GALNT13: variants seen among roughly 807,000 people sequenced by gnomAD.
GALNT13 encodes polypeptide N-acetylgalactosaminyltransferase 13.
In GALNT13, 28 loss-of-function variants were observed where a neutral mutation model predicts 64.2. The ratio of observed to expected loss-of-function variants is 0.44; its 90% confidence interval spans 0.32 to 0.60. The LOEUF is 0.60. Among genes scored for constraint, GALNT13 ranks in the 20% least tolerant of loss-of-function variants. GALNT13 has a pLI of 0.05. For missense variants in GALNT13, 577 were observed against 669.8 expected (o/e 0.86, Z 1.53); for synonymous variants, 214 against 224.6 (o/e 0.95, Z 0.42).
At chr2:154,148,984 A>G (rs1159425100) in intron 4 of GALNT13, among the ~76,000 whole-genome samples, 8 of 152,270 alleles carry the variant, frequency 5.3e-5, no homozygotes, top group Admixed American at 1.3e-4. Context: ...TTGGTGTTTT[A>G]GACATGAAGT....
At chr2:153,874,826 C>T (rs1335606506) in intron 1 of GALNT13, among the ~76,000 whole-genome samples, 2 of 152,062 alleles carry the variant, frequency 1.3e-5, no homozygotes, top group African/African-American at 4.8e-5. Context: ...CCCCTTTTTG[C>T]AAGTCTACAA....
the GALNT13 span, among the ~76,000 whole-genome samples, chr2:153,332,227 T>G: frequency 6.6e-6 from 1 of 152,182 alleles, no homozygotes; most frequent in African/African-American, 2.4e-5. Flanking sequence ...GCTTTGGGGT[T>G]AGCTTGTTCT....
At chr2:153,879,488 C>T (rs1686630752) in intron 1 of GALNT13, among the ~76,000 whole-genome samples, 1 of 151,872 alleles carries the variant, frequency 6.6e-6, no homozygotes, top group South Asian at 2.1e-4. Flanking sequence ...GCGCAGCCTC[C>T]CAAGTAACTA....
chr2:153,369,244 A>C, the GALNT13 span, among the ~76,000 whole-genome samples: 1 of 152,090 alleles, frequency 6.6e-6, no homozygotes, highest in African/African-American at 2.4e-5. Context: ...ATCAGCTTCC[A>C]TCAGAACAAA....
the GALNT13 span, among the ~76,000 whole-genome samples, chr2:153,373,131 T>TG: frequency 8.0e-6 from 1 of 125,358 alleles, no homozygotes; most frequent in Non-Finnish European, 1.7e-5. Context: ...ATTCTGTTGC[T>TG]TTGTGTGTGT....
At chr2:153,547,002 A>G in the GALNT13 span, among the ~76,000 whole-genome samples, 1 of 152,208 alleles carries the variant, frequency 6.6e-6, no homozygotes, top group African/African-American at 2.4e-5. Flanking sequence ...CTAGCTTGGC[A>G]TGTAATTTGG....
chr2:154,350,955 G>C (rs192774919), intron 9 of GALNT13, among the ~76,000 whole-genome samples: 90 of 152,318 alleles, frequency 5.9e-4, no homozygotes, highest in Admixed American at 5.4e-3. Flanking sequence ...TTTTATTGGA[G>C]AACAGTAAAC....
At chr2:154,121,313 T>C (rs911252324) in intron 3 of GALNT13, among the ~76,000 whole-genome samples, 5 of 152,214 alleles carry the variant, frequency 3.3e-5, no homozygotes, top group Non-Finnish European at 7.3e-5. Flanking sequence ...GCTATCTTGC[T>C]GATGCCACTA....
At chr2:154,024,020 G>A (rs1412729579) in intron 3 of GALNT13, among the ~76,000 whole-genome samples, 5 of 152,088 alleles carry the variant, frequency 3.3e-5, no homozygotes, top group Non-Finnish European at 7.4e-5. Context: ...TTGAATATTG[G>A]TCCCCACTCT....
chr2:154,339,085 C>A (rs1004498981), intron 9 of GALNT13, among the ~76,000 whole-genome samples: 3 of 152,116 alleles, frequency 2.0e-5, no homozygotes, highest in Non-Finnish European at 2.9e-5. Flanking sequence ...GTTTACCAAG[C>A]ATCTACTACA....
chr2:153,575,364 C>T, the GALNT13 span, among the ~76,000 whole-genome samples: 11 of 152,296 alleles, frequency 7.2e-5, no homozygotes, highest in South Asian at 1.9e-3. Flanking sequence ...CTGTAAACCA[C>T]GCCTTGACTA....
At chr2:153,272,423 AAAC>A in the GALNT13 span, among the ~76,000 whole-genome samples, 1 of 152,136 alleles carries the variant, frequency 6.6e-6, no homozygotes, top group East Asian at 1.9e-4. Flanking sequence ...AGAAAAAAAA[AAAC>A]AACCCTATCA....
At chr2:153,252,291 G>A in the GALNT13 span, among the ~76,000 whole-genome samples, 1 of 104,492 alleles carries the variant, frequency 9.6e-6, no homozygotes, top group African/African-American at 4.4e-5. Context: ...GTCTGTTCAT[G>A]TCCTTCGCCC....
chr2:153,609,755 G>A, the GALNT13 span, among the ~76,000 whole-genome samples: 5 of 152,058 alleles, frequency 3.3e-5, no homozygotes, highest in Admixed American at 3.3e-4. Flanking sequence ...TAACTCTTCT[G>A]CCCTTTCTGA....
intron 11 of GALNT13, among the ~76,000 whole-genome samples, chr2:154,418,439 C>G (rs1298424681): frequency 6.6e-6 from 1 of 152,048 alleles, no homozygotes; most frequent in African/African-American, 2.4e-5. Flanking sequence ...CCACATGTAT[C>G]CTTATAAAAG....
chr2:153,818,855 A>G, the GALNT13 span, among the ~76,000 whole-genome samples: 1 of 152,058 alleles, frequency 6.6e-6, no homozygotes, highest in African/African-American at 2.4e-5. Flanking sequence ...AGTCTGTAAT[A>G]TTCCCTCAGG....
At chr2:154,069,828 C>G (rs907409451) in intron 3 of GALNT13, among the ~76,000 whole-genome samples, 6 of 151,990 alleles carry the variant, frequency 3.9e-5, no homozygotes, top group African/African-American at 1.4e-4. Context: ...TACAAATTAA[C>G]TTGAAATTTA....
At chr2:153,552,036 G>A in the GALNT13 span, among the ~76,000 whole-genome samples, 2 of 152,072 alleles carry the variant, frequency 1.3e-5, no homozygotes, top group African/African-American at 4.8e-5. Flanking sequence ...GTGTCCTGAG[G>A]GCCAAACAAA....
At chr2:154,400,665 G>A (rs913763565) in intron 10 of GALNT13, among the ~76,000 whole-genome samples, 3 of 152,092 alleles carry the variant, frequency 2.0e-5, no homozygotes, top group African/African-American at 7.2e-5. Context: ...TTTCCAATGG[G>A]AAGTTAAAAG....
Sources: gnomAD v4.1 joint callset for allele counts (sites outside exome capture counted in the v4.1 genomes callset) on GRCh38, gnomAD v4.1.1 for gene constraint, MANE v1.5 for transcripts, NCBI Gene and HGNC (gene_info 2026-07-23, HGNC 2026-07-21) for gene names.